FHIT: variants seen among roughly 807,000 people sequenced by gnomAD.
The protein encoded by FHIT is bis(5'-adenosyl)-triphosphatase.
In FHIT, 19 loss-of-function variants were observed where a neutral mutation model predicts 17.9. That is an observed-to-expected ratio of 1.06 (90% CI 0.74 to 1.56). The LOEUF (loss-of-function observed/expected upper bound fraction) is 1.56, where lower values mean the gene tolerates loss of function less well. Among genes scored for constraint, FHIT ranks in the 40% most tolerant of loss-of-function variants. The pLI, the probability that FHIT is intolerant of heterozygous loss-of-function variation, is 0.00. For synonymous variants in FHIT, 81 were observed against 69.7 expected (o/e 1.16, Z -0.81); for missense variants, 248 against 189.2 (o/e 1.31, Z -1.82).
intron 8 of FHIT, among the ~76,000 whole-genome samples, chr3:59,881,734 A>G (rs780666238): frequency 7.2e-5 from 11 of 152,206 alleles, no homozygotes; most frequent in Non-Finnish European, 1.5e-4. Context: ...GAGGCTAAAA[A>G]CATTAGGATA....
chr3:60,923,410 T>C (rs1707389801), intron 3 of FHIT, among the ~76,000 whole-genome samples: 1 of 152,190 alleles, frequency 6.6e-6, no homozygotes, highest in Admixed American at 6.5e-5. Context: ...ACAGGGCTAC[T>C]GTGAGGATGA....
At chr3:60,860,085 G>T (rs1703580166) in intron 3 of FHIT, among the ~76,000 whole-genome samples, 1 of 146,064 alleles carries the variant, frequency 6.8e-6, no homozygotes, top group African/African-American at 2.5e-5. Flanking sequence ...TCTGATATAT[G>T]ATATATATAT....
chr3:60,093,732 T>C (rs2107107320), intron 5 of FHIT, among the ~76,000 whole-genome samples: 1 of 152,288 alleles, frequency 6.6e-6, no homozygotes, highest in South Asian at 2.1e-4. Context: ...GGATTTAGAA[T>C]GCGGGCTCCT....
At chr3:59,973,931 C>T (rs1159490280) in intron 7 of FHIT, among the ~76,000 whole-genome samples, 1 of 151,566 alleles carries the variant, frequency 6.6e-6, no homozygotes, top group Non-Finnish European at 1.5e-5. Context: ...AGCAGTACTT[C>T]ACAGGGGTAG....
intron 2 of FHIT, among the ~76,000 whole-genome samples, chr3:61,166,658 T>C (rs1220232071): frequency 4.6e-5 from 7 of 152,352 alleles, no homozygotes; most frequent in South Asian, 4.1e-4. Flanking sequence ...AAAAACCAAC[T>C]TTCCAAATAT....
chr3:60,377,788 G>T (rs1355556858), intron 5 of FHIT, among the ~76,000 whole-genome samples: 1 of 152,032 alleles, frequency 6.6e-6, no homozygotes, highest in Non-Finnish European at 1.5e-5. Flanking sequence ...GCCCAGCCAA[G>T]AATTCTTAAG....
intron 5 of FHIT, among the ~76,000 whole-genome samples, chr3:60,187,411 C>A (rs1419337417): frequency 2.0e-5 from 3 of 152,136 alleles, no homozygotes. Context: ...TAAATTAGGC[C>A]ATGGAGGGAA....
chr3:60,972,721 A>C (rs977477707), intron 3 of FHIT, among the ~76,000 whole-genome samples: 6 of 151,916 alleles, frequency 3.9e-5, no homozygotes, highest in Non-Finnish European at 7.4e-5. Flanking sequence ...ACACTAACCA[A>C]TATGTCTCTT....
intron 5 of FHIT, among the ~76,000 whole-genome samples, chr3:60,319,642 C>T (rs929730772): frequency 1.3e-5 from 2 of 152,056 alleles, no homozygotes; most frequent in African/African-American, 2.4e-5. Flanking sequence ...CATAGAAGTC[C>T]GTGACCAGAA....
At chr3:60,283,483 T>C (rs372755168) in intron 5 of FHIT, among the ~76,000 whole-genome samples, 4 of 152,142 alleles carry the variant, frequency 2.6e-5, no homozygotes, top group East Asian at 1.9e-4. Context: ...CAGAAAAACA[T>C]GTATCCATCA....
intron 3 of FHIT, among the ~76,000 whole-genome samples, chr3:60,934,662 A>G (rs1708109904): frequency 6.6e-6 from 1 of 152,224 alleles, no homozygotes; most frequent in South Asian, 2.1e-4. Context: ...GCTAAATCTC[A>G]AAGGAGTATC....
At chr3:60,303,627 T>C (rs939346974) in intron 5 of FHIT, among the ~76,000 whole-genome samples, 1 of 152,120 alleles carries the variant, frequency 6.6e-6, no homozygotes, top group Non-Finnish European at 1.5e-5. Context: ...CATATGTGAT[T>C]TTCTATGCTT....
At position 60,417,196 on chromosome 3, in the gene FHIT, A is replaced by G. The variant is rs527554882; in HGVS notation, c.103+119664T>C. On this transcript the variant is annotated intron_variant, in intron 5 of 9. Transcript: ENST00000492590. The stretch of plus-strand genomic sequence containing the variant: ...ATAATCTGGAATATTATGTTATTCT[A>G]TGCTAATACTATGTTAGCAAAAAGA... Among the ~76,000 whole-genome samples the G allele has an allele frequency of 6.6e-5, 10 of 152,318 alleles. No homozygotes were observed. The South Asian group carries it at 2.1e-3, about 32-fold the overall frequency.
chr3:60,114,488 CCTTTTTTT>C (rs1322539253), intron 5 of FHIT, among the ~76,000 whole-genome samples: 4 of 59,476 alleles, frequency 6.7e-5, no homozygotes, highest in Non-Finnish European at 5.8e-5. Flanking sequence ...CAAGAGAAAT[CCTTTTTTT>C]TTTTTTTTTT....
chr3:59,854,364 G>A (rs1466800502), intron 8 of FHIT, among the ~76,000 whole-genome samples: 1 of 152,128 alleles, frequency 6.6e-6, no homozygotes, highest in Non-Finnish European at 1.5e-5. Flanking sequence ...GCTCGGTATT[G>A]TGCTTACGTC....
At chr3:60,094,831 G>A (rs1272761283) in intron 5 of FHIT, among the ~76,000 whole-genome samples, 2 of 151,248 alleles carry the variant, frequency 1.3e-5, no homozygotes, top group African/African-American at 4.9e-5. Flanking sequence ...AAGAGAGAGA[G>A]AGAAGGAGAG....
chr3:60,290,319 A>G (rs1311341276), intron 5 of FHIT, among the ~76,000 whole-genome samples: 1 of 152,144 alleles, frequency 6.6e-6, no homozygotes, highest in Non-Finnish European at 1.5e-5. Context: ...TCTCACTTTG[A>G]ATGTGGGCTG....
chr3:60,817,024 C>A (rs372456061), intron 4 of FHIT, among the ~76,000 whole-genome samples: 2 of 151,620 alleles, frequency 1.3e-5, no homozygotes, highest in African/African-American at 4.8e-5. Flanking sequence ...TCTATTTTAT[C>A]TTTGGATTTT....
chr3:61,064,155 C>T (rs1215685904), intron 2 of FHIT, among the ~76,000 whole-genome samples: 1 of 152,164 alleles, frequency 6.6e-6, no homozygotes, highest in Non-Finnish European at 1.5e-5. Context: ...GCATGTGTGA[C>T]TCAGTTCTAG....
Sources: gnomAD v4.1 joint callset for allele counts (sites outside exome capture counted in the v4.1 genomes callset) on GRCh38, gnomAD v4.1.1 for gene constraint, MANE v1.5 for transcripts, NCBI Gene and HGNC (gene_info 2026-07-23, HGNC 2026-07-21) for gene names.